Variants in ZNF578 observed in about 807,000 individuals in gnomAD.
ZNF578 encodes the protein Putative chemokine-related protein B42.
ZNF578 carries 8 observed loss-of-function variants against 8.3 expected under a neutral mutation model. The observed-to-expected ratio is 0.96, with a 90% CI of 0.56 to 1.74. The LOEUF is 1.74. Ranked by LOEUF, ZNF578 falls within the 40% of genes most tolerant of loss-of-function variation. The probability of loss-of-function intolerance (pLI) is 0.00; values close to 1 mark genes in which losing one functional copy is unlikely to be tolerated. For synonymous variants in ZNF578, 206 were observed against 232.2 expected (o/e 0.89, Z 1.03); for missense variants, 726 against 707.5 (o/e 1.03, Z -0.30).
At chr19:52,496,193 AT>A (rs1009474064) in intron 3 of ZNF578, among the ~76,000 whole-genome samples, 1 of 149,030 alleles carries the variant, frequency 6.7e-6, no homozygotes, top group African/African-American at 2.5e-5. Context: ...TGATTTTTGT[AT>A]TTTTAGTAGA....
chr19:52,488,336 C>T (rs1039949970), intron 2 of ZNF578, among the ~76,000 whole-genome samples: 1 of 151,838 alleles, frequency 6.6e-6, no homozygotes, highest in Non-Finnish European at 1.5e-5. Flanking sequence ...GGGTGGATCA[C>T]GAGGTCAGGA....
In ZNF578 at chr19:52,511,525, C is replaced by G. The variant is rs377051253; in HGVS notation, c.1144C>G (p.Gln382Glu). 163 of 1,613,474 alleles carry G rather than the reference C, an allele frequency of 1.0e-4. No individual in the cohort carries two copies. The highest frequency in any genetic ancestry group is 3.0e-4 in the Admixed American group (18 of 59,952). The stretch of plus-strand genomic sequence containing the variant: ...TAATGAGTGTGGCAAGATGTTTGGT[C>G]AAAATTCAACCCTTGTAATTCATAA... ...KCNECGKMFGQNSTLVIHKAI... is the reference protein window; with the variant it reads ...KCNECGKMFGENSTLVIHKAI... Residue 382 changes from glutamine to glutamate, a missense_variant, in exon 6 of 6, where the codon CAA becomes GAA. Transcript: ENST00000421239.
intron 3 of ZNF578, 29 bp from the exon 4 acceptor site, chr19:52,501,798 C>A (rs760549420): frequency 6.2e-7 from 1 of 1,608,122 alleles, no homozygotes; most frequent in African/African-American, 1.3e-5. Flanking sequence ...CATATCTAAC[C>A]TGAAGTCTTA....
intron 2 of ZNF578, among the ~76,000 whole-genome samples, chr19:52,476,252 C>T (rs2059308023): frequency 6.6e-6 from 1 of 152,204 alleles, no homozygotes; most frequent in African/African-American, 2.4e-5. Flanking sequence ...CAGTCACCAT[C>T]TTCCGGGCTT....
Position 52,504,688 on chromosome 19 carries a change from T to C in ZNF578, c.97T>C (p.Phe33Leu), listed in dbSNP as rs769802098. 2.0e-5 allele frequency: 33 copies of C among 1,613,994 alleles called. No homozygotes were observed. The highest frequency in any genetic ancestry group is 2.6e-5 in the Non-Finnish European group (31 of 1,180,016). The change falls in exon 5 of 6, where the codon TTC becomes CTC. Residue 33 changes from phenylalanine to leucine, a missense_variant. Physicochemically the swap from Phe to Leu is conservative, Grantham distance 22 (BLOSUM62 0). Coordinates refer to ENST00000421239, the MANE Select transcript of ZNF578 (RefSeq NM_001099694.2). ...RLTFRDVAIE[F>L]SLAEWKFLNP... Reference sequence around the variant, plus strand: ...GACTTTCAGGGATGTGGCTATAGAATTCTCATTGGCAGAGTGGAAATTCCT... The same window carrying C: ...GACTTTCAGGGATGTGGCTATAGAACTCTCATTGGCAGAGTGGAAATTCCT...
Position 52,512,974 on chromosome 19 carries a change from G to A in ZNF578, c.*820G>A, listed in dbSNP as rs964319093. Among the ~76,000 whole-genome samples, 1 of 151,892 alleles carries A rather than the reference G, an allele frequency of 6.6e-6. No homozygotes were observed. The highest frequency in any genetic ancestry group is 1.5e-5 in the Non-Finnish European group (1 of 67,938). On this transcript the variant is annotated 3_prime_UTR_variant, in exon 6 of 6. Transcript: ENST00000421239. ...GCACATAGGTCACTTGAGGTCAAGA[G>A]TTTGAAACAAGCATGGCCAAGAGAT...
In ZNF578 at chr19:52,511,704, C is replaced by A. The variant is rs540901583; in HGVS notation, c.1323C>A (p.Ser441Arg). The A allele has an allele frequency of 3.1e-6, 5 of 1,613,310 alleles. No individual in the cohort carries two copies. In the African/African-American group the frequency reaches 6.7e-5, roughly 22 times the overall value. ...DCGKAFIHQS[S>R]LARHHRLHTG... is the part of the protein sequence containing the mutation. ...GTAAGGCTTTTATTCATCAGTCAAG[C>A]CTTGCACGTCATCATAGACTTCATA... Residue 441 changes from serine to arginine, a missense_variant, in exon 6 of 6, where the codon AGC becomes AGA. Coordinates refer to ENST00000421239, the MANE Select transcript of ZNF578 (RefSeq NM_001099694.2).
At chr19:52,488,019 A>C (rs2059351792) in intron 2 of ZNF578, among the ~76,000 whole-genome samples, 1 of 146,576 alleles carries the variant, frequency 6.8e-6, no homozygotes, top group African/African-American at 2.5e-5. Context: ...CGATGGCATG[A>C]TGTCAGCTCA....
intron 2 of ZNF578, chr19:52,474,291 T>G (rs1217159360): frequency 3.4e-6 from 1 of 297,526 alleles, no homozygotes; most frequent in Non-Finnish European, 6.9e-6. Context: ...GAAAGTTGAC[T>G]AAAAACTTTG....
chr19:52,492,333 C>T (rs1278122808), intron 3 of ZNF578, among the ~76,000 whole-genome samples: 1 of 152,102 alleles, frequency 6.6e-6, no homozygotes, highest in Non-Finnish European at 1.5e-5. Flanking sequence ...GTGCCCGCAT[C>T]CCTGCTGTGT....
chr19:52,458,038 G>C (rs2059244781), intron 2 of ZNF578: 1 of 153,640 alleles, frequency 6.5e-6, no homozygotes, highest in Non-Finnish European at 1.5e-5. Context: ...GGAATTGAAG[G>C]ATTGTTTAAG....
At chr19:52,455,154 A>G (rs2059235355) in intron 1 of ZNF578, 1 of 147,748 alleles carries the variant, frequency 6.8e-6, no homozygotes, top group Non-Finnish European at 1.5e-5. Flanking sequence ...TAGTCCTCCA[A>G]CCACTTTTCC....
chr19:52,459,540 T>G (rs559947643), intron 2 of ZNF578, among the ~76,000 whole-genome samples: 1 of 151,288 alleles, frequency 6.6e-6, no homozygotes, highest in African/African-American at 2.4e-5. Context: ...GGCTATTGTA[T>G]ATAATGCTGT....
chr19:52,456,548 G>C (rs1288353467), intron 1 of ZNF578: 3 of 152,246 alleles, frequency 2.0e-5, no homozygotes, highest in African/African-American at 7.2e-5. Context: ...GGTTTGGTCA[G>C]GGCCAGATCT....
intron 2 of ZNF578, among the ~76,000 whole-genome samples, chr19:52,485,518 A>G (rs1228903008): frequency 1.3e-5 from 2 of 152,198 alleles, no homozygotes; most frequent in Non-Finnish European, 2.9e-5. Context: ...TGTGATCCAC[A>G]GAGAGTTGAG....
At position 52,487,631 on chromosome 19, in the gene ZNF578, T is replaced by A. The variant is rs115891966; in HGVS notation, c.-121-3693T>A. 8.4e-3 allele frequency among the ~76,000 whole-genome samples: 1,271 copies of A among 152,182 alleles called. 13 individuals are homozygous for A. Among genetic ancestry groups the A allele is most frequent in the African/African-American group, 0.029 (1,209 of 41,518 alleles). Reference sequence around the variant, plus strand: ...CACCGTCTGTTATTACATAATACTTTTAATTAAATAATATTTTGAGACAGG... The same window carrying A: ...CACCGTCTGTTATTACATAATACTTATAATTAAATAATATTTTGAGACAGG... On this transcript the variant is annotated intron_variant, in intron 2 of 5. Coordinates refer to ENST00000421239, the MANE Select transcript of ZNF578 (RefSeq NM_001099694.2).
At chr19:52,494,089 G>A (rs2059377131) in intron 3 of ZNF578, among the ~76,000 whole-genome samples, 1 of 151,384 alleles carries the variant, frequency 6.6e-6, no homozygotes, top group Non-Finnish European at 1.5e-5. Context: ...AGAGGAGAGG[G>A]GTACAAAATG....
At chr19:52,467,875 A>T (rs987558270) in intron 2 of ZNF578, among the ~76,000 whole-genome samples, 4 of 152,226 alleles carry the variant, frequency 2.6e-5, no homozygotes. Context: ...GGGAAAAAAA[A>T]TAAAAAGGTT....
chr19:52,515,653 G>T lies in ZNF578; in HGVS notation c.*3499G>T, dbSNP rs414804. On this transcript the variant is annotated 3_prime_UTR_variant, in exon 6 of 6. Coordinates refer to ENST00000421239, the MANE Select transcript of ZNF578 (RefSeq NM_001099694.2). ...CCTCCCTGCAACTTGGCGACGAGGG[G>T]CTTGACCAGAAAAGGTCAACCCGAG... 6.6e-6 allele frequency among the ~76,000 whole-genome samples: 1 copy of T among 151,168 alleles called. No individual in the cohort carries two copies. The highest frequency in any genetic ancestry group is 1.5e-5 in the Non-Finnish European group (1 of 67,778).
Sources: allele counts gnomAD v4.1 joint callset (sites outside exome capture counted in the v4.1 genomes callset), GRCh38; gene constraint gnomAD v4.1.1; transcripts MANE v1.5; gene names NCBI Gene and HGNC (gene_info 2026-07-23, HGNC 2026-07-21).